The following PDE10A variants were observed in gnomAD, a reference collection of about 807,000 sequenced individuals.
PDE10A encodes the protein cAMP and cAMP-inhibited cGMP 3',5'-cyclic phosphodiesterase 10A.
Under a neutral mutation model 97.7 loss-of-function variants are expected in PDE10A, and 39 were observed. The observed-to-expected ratio is 0.40, with a 90% CI of 0.31 to 0.52. The LOEUF is 0.52. Ranked by LOEUF, PDE10A falls within the 20% of genes least tolerant of loss-of-function variation. The probability of loss-of-function intolerance (pLI) is 0.56; values close to 1 mark genes in which losing one functional copy is unlikely to be tolerated. For missense variants in PDE10A, 731 were observed against 1,047.8 expected (o/e 0.70, Z 4.17); for synonymous variants, 371 against 376.8 (o/e 0.98, Z 0.18).
chr6:165,973,572 GAA>G lies in PDE10A; in HGVS notation c.-615+13955_-615+13956del, dbSNP rs60693155. On this transcript the variant is annotated intron_variant, in intron 1 of 19. Transcript: ENST00000366882. ...AACAAAAGCTTAAAATCTTTTTTAT[GAA>G]AAAAAAAAAAATTCTGAAGAAAGAC... Among the ~76,000 whole-genome samples, 650 of 148,706 alleles carry G rather than the reference GAA, an allele frequency of 4.4e-3. 2 individuals carry two copies. Among genetic ancestry groups the G allele is most frequent in the African/African-American group, 0.011 (463 of 40,542 alleles).
At chr6:165,520,905 C>G (rs948269922) in intron 2 of PDE10A, among the ~76,000 whole-genome samples, 1 of 152,098 alleles carries the variant, frequency 6.6e-6, no homozygotes, top group African/African-American at 2.4e-5. Context: ...CCTTCAGGCT[C>G]TGGGAAGAGC....
chr6:165,349,116 G>C (rs1782516650), intron 18 of PDE10A, among the ~76,000 whole-genome samples: 1 of 152,230 alleles, frequency 6.6e-6, no homozygotes, highest in African/African-American at 2.4e-5. Flanking sequence ...CTTTGGAACT[G>C]AGTAACAGGC....
At chr6:165,730,750 C>CAA (rs778744017) in intron 1 of PDE10A, among the ~76,000 whole-genome samples, 7,481 of 122,014 alleles carry the variant, frequency 0.061, 363 homozygotes, top group Non-Finnish European at 0.069. Flanking sequence ...GAGATTCCAC[C>CAA]AAAAAAAAAA....
In PDE10A at chr6:165,649,377, C is replaced by A. The variant is rs187338661; in HGVS notation, c.865+12570G>T. ...CAAGGGGGAAGAGTCAGTGAGGGGACAGCAAAGAGGCCCACTGAGACACTC... is the reference window on the plus strand; with the variant it reads ...CAAGGGGGAAGAGTCAGTGAGGGGAAAGCAAAGAGGCCCACTGAGACACTC... On this transcript the variant is annotated intron_variant, in intron 1 of 21. Coordinates refer to ENST00000539869, the MANE Select transcript of PDE10A (RefSeq NM_001385079.1). Among the ~76,000 whole-genome samples, 15 of 152,222 alleles carry A rather than the reference C, an allele frequency of 9.9e-5. No individual in the cohort carries two copies. In the East Asian group the frequency reaches 2.7e-3, roughly 27 times the overall value.
intron 1 of PDE10A, among the ~76,000 whole-genome samples, chr6:165,792,657 C>G (rs558571582): frequency 3.8e-4 from 58 of 152,066 alleles, no homozygotes; most frequent in Non-Finnish European, 5.7e-4. Context: ...GCCTTGAATG[C>G]GGTCCCGACG....
At chr6:165,460,471 T>C (rs983429754) in intron 3 of PDE10A, among the ~76,000 whole-genome samples, 5 of 152,184 alleles carry the variant, frequency 3.3e-5, no homozygotes, top group Non-Finnish European at 2.9e-5. Context: ...AAGCAGCTTA[T>C]TGGGTAAATC....
At chr6:165,784,066 A>C (rs969558074) in intron 1 of PDE10A, among the ~76,000 whole-genome samples, 2 of 152,012 alleles carry the variant, frequency 1.3e-5, no homozygotes, top group Middle Eastern at 3.2e-3. Context: ...AAAAATAAAA[A>C]AATTAGCTGG....
At chr6:165,348,528 T>C (rs1782466686) in intron 18 of PDE10A, among the ~76,000 whole-genome samples, 2 of 152,236 alleles carry the variant, frequency 1.3e-5, no homozygotes. Flanking sequence ...CATTTGTTTT[T>C]AGTTGTAGTC....
intron 2 of PDE10A, among the ~76,000 whole-genome samples, chr6:165,485,728 G>C (rs943658037): frequency 6.6e-6 from 1 of 151,754 alleles, no homozygotes; most frequent in Non-Finnish European, 1.5e-5. Flanking sequence ...GAGTAGCTGG[G>C]ACTGCAGGCG....
At chr6:165,636,808 T>C (rs1788900678) in intron 1 of PDE10A, among the ~76,000 whole-genome samples, 1 of 152,326 alleles carries the variant, frequency 6.6e-6, no homozygotes, top group Admixed American at 6.5e-5. Context: ...TTCCATCTGC[T>C]GTAGAAATGC....
intron 5 of PDE10A, 62 bp from the exon 6 acceptor site, chr6:165,435,439 C>T (rs937032461): frequency 7.3e-7 from 1 of 1,361,750 alleles, no homozygotes; most frequent in Non-Finnish European, 1.0e-6. Flanking sequence ...CAAAAAGACA[C>T]ACGTGAATCC....
chr6:165,494,472 G>T (rs1156384242), intron 2 of PDE10A, among the ~76,000 whole-genome samples: 1 of 149,156 alleles, frequency 6.7e-6, no homozygotes. Flanking sequence ...GGGTGTGTGT[G>T]TGTGTAATAC....
intron 1 of PDE10A, among the ~76,000 whole-genome samples, chr6:165,607,325 T>C (rs1463600374): frequency 6.6e-6 from 1 of 152,228 alleles, no homozygotes; most frequent in East Asian, 1.9e-4. Flanking sequence ...TCCCATAATA[T>C]TATAACGAAG....
intron 1 of PDE10A, among the ~76,000 whole-genome samples, chr6:165,760,999 T>A (rs775726561): frequency 2.8e-4 from 42 of 152,268 alleles, no homozygotes; most frequent in Non-Finnish European, 5.3e-4. Context: ...CTGACCAGCT[T>A]ACACACTGGG....
rs377654743 is a variant in PDE10A, at chr6:165,980,629, G to T, written c.-615+6900C>A. Among the ~76,000 whole-genome samples the T allele has an allele frequency of 1.1e-4, 16 of 152,306 alleles. No homozygotes were observed. The East Asian group carries it at 3.1e-3, about 29-fold the overall frequency. ...AAAGGGATGTTACATATATCACCCT[G>T]CATGTGCTCAGGAAATTTCTGGTTG... On this transcript the variant is annotated intron_variant, in intron 1 of 19. Transcript: ENST00000366882.
At chr6:165,411,461 G>A (rs1352713455) in intron 13 of PDE10A, among the ~76,000 whole-genome samples, 1 of 152,148 alleles carries the variant, frequency 6.6e-6, no homozygotes, top group African/African-American at 2.4e-5. Flanking sequence ...TGAGGACACA[G>A]GGAGAAGGCG....
chr6:165,443,255 A>G (rs941377616), intron 5 of PDE10A, among the ~76,000 whole-genome samples: 2 of 152,178 alleles, frequency 1.3e-5, no homozygotes, highest in African/African-American at 4.8e-5. Flanking sequence ...CTCCCATTCC[A>G]AAAGGAAGAA....
chr6:165,408,681 T>C (rs16897830), intron 13 of PDE10A, among the ~76,000 whole-genome samples: 2,406 of 152,240 alleles, frequency 0.016, 72 homozygotes, highest in African/African-American at 0.054. Context: ...TGAACTGGTC[T>C]TTCTGAATTG....
intron 1 of PDE10A, among the ~76,000 whole-genome samples, chr6:165,690,431 G>A (rs919305703): frequency 6.6e-6 from 1 of 152,114 alleles, no homozygotes. Context: ...CCTAACATCT[G>A]GTCTCCCTGC....
Sources: gnomAD v4.1 joint callset for allele counts (sites outside exome capture counted in the v4.1 genomes callset) on GRCh38, gnomAD v4.1.1 for gene constraint, MANE v1.5 for transcripts, NCBI Gene and HGNC (gene_info 2026-07-23, HGNC 2026-07-21) for gene names.